The following NKAIN3 variants were observed in gnomAD, a reference collection of about 807,000 sequenced individuals.
The protein encoded by NKAIN3 is sodium/potassium transporting ATPase interacting 3, also known as sodium/potassium-transporting ATPase subunit beta-1-interacting protein 3.
A neutral mutation model predicts 30.2 loss-of-function variants in NKAIN3; 25 were observed. The ratio of observed to expected loss-of-function variants is 0.83; its 90% CI spans 0.60 to 1.16. NKAIN3 has a LOEUF of 1.16. Ranked by LOEUF, NKAIN3 falls within the 50% of genes most tolerant of loss-of-function variation. The probability of loss-of-function intolerance (pLI) is 0.00; values close to 1 mark genes in which losing one functional copy is unlikely to be tolerated. For synonymous variants in NKAIN3, 91 were observed against 89.6 expected (o/e 1.02, Z -0.09); for missense variants, 225 against 254.1 (o/e 0.89, Z 0.78).
chr8:62,597,637 A>T (rs570421521), intron 3 of NKAIN3, among the ~76,000 whole-genome samples: 1 of 152,076 alleles, frequency 6.6e-6, no homozygotes, highest in African/African-American at 2.4e-5. Flanking sequence ...TTTACTTAGT[A>T]GGCTTTTCAC....
At chr8:62,731,560 G>A (rs1815466327) in intron 3 of NKAIN3, among the ~76,000 whole-genome samples, 1 of 152,108 alleles carries the variant, frequency 6.6e-6, no homozygotes, top group Non-Finnish European at 1.5e-5. Flanking sequence ...ATCAGCTCCT[G>A]TAGTGATTGG....
intron 1 of NKAIN3, among the ~76,000 whole-genome samples, chr8:62,342,157 T>C (rs1483674768): frequency 7.2e-6 from 1 of 138,284 alleles, no homozygotes; most frequent in East Asian, 2.2e-4. Context: ...AAGGGAGATA[T>C]AAAAGAGGTG....
At chr8:62,544,830 T>C (rs1563450104) in intron 1 of NKAIN3, among the ~76,000 whole-genome samples, 1 of 152,186 alleles carries the variant, frequency 6.6e-6, no homozygotes. Flanking sequence ...AGCCTATTGT[T>C]GATGGAAGGC....
In NKAIN3 at chr8:62,766,866, G is replaced by T. The variant is rs371440776; in HGVS notation, c.471+19737G>T. Among the ~76,000 whole-genome samples the T allele has an allele frequency of 5.8e-3, 889 of 152,226 alleles. 7 individuals are homozygous for T. Among genetic ancestry groups the T allele is most frequent in the African/African-American group, 0.02 (830 of 41,532 alleles). On this transcript the variant is annotated intron_variant, in intron 4 of 6. Coordinates refer to ENST00000623646, the MANE Select transcript of NKAIN3 (RefSeq NM_001304533.3). ...ATGACATTCCAGGATGCCCTGGTTT[G>T]GGCTTGAGCAGGTTCCCTTGGGGAC...
chr8:62,407,710 C>T (rs535382774), intron 1 of NKAIN3, among the ~76,000 whole-genome samples: 37 of 152,274 alleles, frequency 2.4e-4, no homozygotes, highest in African/African-American at 7.5e-4. Flanking sequence ...GGATTACAGG[C>T]GTGAGCCCCC....
At chr8:62,577,822 C>A (rs2130051583) in intron 1 of NKAIN3, among the ~76,000 whole-genome samples, 1 of 151,984 alleles carries the variant, frequency 6.6e-6, no homozygotes, top group South Asian at 2.1e-4. Context: ...CATATCACTC[C>A]ATGATCAGGA....
intron 1 of NKAIN3, among the ~76,000 whole-genome samples, chr8:62,394,499 A>C (rs1304915713): frequency 6.9e-6 from 1 of 144,790 alleles, no homozygotes; most frequent in Non-Finnish European, 1.5e-5. Flanking sequence ...TTTAATTTAA[A>C]AGTAAACTTT....
At chr8:62,633,683 G>A (rs1812035484) in intron 3 of NKAIN3, among the ~76,000 whole-genome samples, 1 of 152,136 alleles carries the variant, frequency 6.6e-6, no homozygotes, top group African/African-American at 2.4e-5. Context: ...TCATCTTTGA[G>A]CACAGATGCC....
At chr8:62,334,325 G>C (rs568285230) in intron 1 of NKAIN3, among the ~76,000 whole-genome samples, 137 of 152,226 alleles carry the variant, frequency 9.0e-4, no homozygotes, top group African/African-American at 3.2e-3. Context: ...TTTGTTTCTG[G>C]TGGTTGTCAG....
chr8:62,372,495 C>A (rs1415907634), intron 1 of NKAIN3, among the ~76,000 whole-genome samples: 1 of 151,818 alleles, frequency 6.6e-6, no homozygotes, highest in Non-Finnish European at 1.5e-5. Flanking sequence ...TAAGTGAATA[C>A]CTTTAGACAT....
intron 3 of NKAIN3, among the ~76,000 whole-genome samples, chr8:62,712,484 T>C (rs1814754110): frequency 1.3e-5 from 2 of 152,030 alleles, no homozygotes; most frequent in Non-Finnish European, 2.9e-5. Context: ...TATGGCTGCC[T>C]CTGCTGAGTC....
Position 62,976,909 on chromosome 8 carries a change from C to T in NKAIN3, c.*11502C>T, listed in dbSNP as rs1823954494. Among the ~76,000 whole-genome samples, 1 of 152,184 alleles carries T rather than the reference C, an allele frequency of 6.6e-6. No individual in the cohort carries two copies. The highest frequency in any genetic ancestry group is 1.5e-5 in the Non-Finnish European group (1 of 68,042). On this transcript the variant is annotated 3_prime_UTR_variant, in exon 7 of 7. Transcript: ENST00000623646. ...ACAAAATTCCTCAGCATTTGCTTGTCTGTAAAGGATTTTATTTCTCCTTCA... is the reference window on the plus strand; with the variant it reads ...ACAAAATTCCTCAGCATTTGCTTGTTTGTAAAGGATTTTATTTCTCCTTCA...
intron 1 of NKAIN3, among the ~76,000 whole-genome samples, chr8:62,508,430 A>T (rs1393595832): frequency 1.3e-5 from 2 of 152,112 alleles, no homozygotes; most frequent in Non-Finnish European, 2.9e-5. Context: ...CACAAACATT[A>T]GTTTTCCTTT....
chr8:62,668,148 T>G (rs145127246), intron 3 of NKAIN3, among the ~76,000 whole-genome samples: 1 of 150,604 alleles, frequency 6.6e-6, no homozygotes, highest in African/African-American at 2.5e-5. Context: ...ATTGGCATTC[T>G]CTGCCTCCTT....
chr8:62,808,720 T>TA (rs376921174), intron 4 of NKAIN3, among the ~76,000 whole-genome samples: 5 of 151,838 alleles, frequency 3.3e-5, no homozygotes, highest in South Asian at 2.1e-4. Context: ...CACAAGGCAA[T>TA]AAAAAATATC....
At chr8:62,350,320 A>T (rs1272535158) in intron 1 of NKAIN3, among the ~76,000 whole-genome samples, 1 of 152,228 alleles carries the variant, frequency 6.6e-6, no homozygotes, top group African/African-American at 2.4e-5. Context: ...ATGCAACAAC[A>T]TGCATGAACC....
chr8:62,314,397 C>T (rs1048266646), intron 1 of NKAIN3, among the ~76,000 whole-genome samples: 6 of 152,128 alleles, frequency 3.9e-5, no homozygotes, highest in African/African-American at 7.2e-5. Flanking sequence ...CGATTTTGCC[C>T]ACCTGAACTG....
At position 62,394,800 on chromosome 8, in the gene NKAIN3, A is replaced by G. The variant is rs78131195; in HGVS notation, c.54+145673A>G. Among the ~76,000 whole-genome samples the G allele has an allele frequency of 8.4e-3, 556 of 66,374 alleles. 1 individual carries two copies. Among genetic ancestry groups the G allele is most frequent in the Non-Finnish European group, 0.013 (454 of 33,864 alleles). The allele number at this position is 66,374 out of a possible 152,430, so 43.5% of individuals were successfully genotyped here. On this transcript the variant is annotated intron_variant, in intron 1 of 6. Coordinates refer to ENST00000623646, the MANE Select transcript of NKAIN3 (RefSeq NM_001304533.3). Reference sequence around the variant, plus strand: ...CAGATGGTGGGGCGGCCAAGCAGAGACTCTCATCACTTCTCAGATGGTGGG... The same window carrying G: ...CAGATGGTGGGGCGGCCAAGCAGAGGCTCTCATCACTTCTCAGATGGTGGG...
intron 5 of NKAIN3, among the ~76,000 whole-genome samples, chr8:62,924,409 C>T (rs549923509): frequency 1.3e-5 from 2 of 152,276 alleles, no homozygotes; most frequent in Admixed American, 6.5e-5. Context: ...CAAGGCTGAC[C>T]CCATTTCCTA....
Sources: allele counts gnomAD v4.1 joint callset (sites outside exome capture counted in the v4.1 genomes callset), GRCh38; gene constraint gnomAD v4.1.1; transcripts MANE v1.5; gene names NCBI Gene and HGNC (gene_info 2026-07-23, HGNC 2026-07-21).